Variants in DNAJC10 observed in about 807,000 individuals in gnomAD.
DNAJC10 encodes DnaJ heat shock protein family (Hsp40) member C10, also known as endoplasmic reticulum disulfide reductase DNAJC10.
In DNAJC10, 101 loss-of-function variants were observed where a neutral mutation model predicts 115.0. The ratio of observed to expected loss-of-function variants is 0.88; its 90% confidence interval spans 0.75 to 1.04. DNAJC10 has a LOEUF of 1.04. Ranked by LOEUF, DNAJC10 falls within the 50% of genes least tolerant of loss-of-function variation. The pLI is 0.00. For missense variants in DNAJC10, 981 were observed against 928.8 expected (o/e 1.06, Z -0.73); for synonymous variants, 307 against 301.5 (o/e 1.02, Z -0.19).
chr2:182,761,043 A>C (rs1694273486), intron 21 of DNAJC10, among the ~76,000 whole-genome samples: 1 of 152,194 alleles, frequency 6.6e-6, no homozygotes, highest in Non-Finnish European at 1.5e-5. Context: ...TAAGTACCAA[A>C]TGAAAAGCCA....
intron 19 of DNAJC10, among the ~76,000 whole-genome samples, chr2:182,758,248 A>G (rs976866508): frequency 1.3e-5 from 2 of 152,178 alleles, no homozygotes; most frequent in Non-Finnish European, 2.9e-5. Flanking sequence ...AGGCTTAGAT[A>G]ACTTCCCCAA....
chr2:182,782,708 GCT>G lies in DNAJC10; in HGVS notation c.*5581_*5582del, dbSNP rs762215542. Reference sequence around the variant, plus strand: ...TGAATGGGAGTTCACTCACGATTTGGCTCTCTGTTTGTCAATTATTGGTGTAT... The same window carrying G: ...TGAATGGGAGTTCACTCACGATTTGGCTCTGTTTGTCAATTATTGGTGTAT... On this transcript the variant is annotated 3_prime_UTR_variant, in exon 24 of 24. Coordinates refer to ENST00000264065, the MANE Select transcript of DNAJC10 (RefSeq NM_018981.4). 3 of 152,074 alleles carry G rather than the reference GCT, an allele frequency of 2.0e-5. No homozygotes were observed. Among genetic ancestry groups the G allele is most frequent in the East Asian group, 1.9e-4 (1 of 5,188 alleles). The allele number at this position is 152,074 out of a possible 1,614,324, so 9.4% of individuals were successfully genotyped here. A position where few individuals can be genotyped will look rare whatever the true frequency, so the allele number is the denominator to read the frequency against.
chr2:182,768,205 T>C (rs978387134), intron 22 of DNAJC10, among the ~76,000 whole-genome samples: 2 of 152,022 alleles, frequency 1.3e-5, no homozygotes, highest in Admixed American at 6.6e-5. Flanking sequence ...AAGCAGAACT[T>C]GATGGAGGTG....
At chr2:182,764,889 A>T (rs1450254490) in intron 22 of DNAJC10, among the ~76,000 whole-genome samples, 1 of 152,156 alleles carries the variant, frequency 6.6e-6, no homozygotes, top group Non-Finnish European at 1.5e-5. Context: ...AGATGATAGA[A>T]CTATTGGAGG....
At chr2:182,721,967 G>A in intron 4 of DNAJC10, 58 bp from the exon 5 acceptor site, 1 of 978,554 alleles carries the variant, frequency 1.0e-6, no homozygotes. Context: ...CTATTTTTAT[G>A]TTGCAATTTA....
At chr2:182,727,980 A>G (rs288279) in intron 5 of DNAJC10, among the ~76,000 whole-genome samples, 27,330 of 152,188 alleles carry the variant, frequency 0.18, 5,685 homozygotes, top group African/African-American at 0.51. Context: ...TGAATTGTTA[A>G]AAACCTCAAC....
intron 10 of DNAJC10, chr2:182,732,823 A>C: frequency 2.3e-6 from 1 of 429,150 alleles, no homozygotes; most frequent in East Asian, 4.5e-5. Flanking sequence ...TGTTTTTGTC[A>C]TTTCCCAACT....
At chr2:182,774,411 AG>A (rs1286627163) in intron 22 of DNAJC10, among the ~76,000 whole-genome samples, 1 of 152,248 alleles carries the variant, frequency 6.6e-6, no homozygotes, top group Non-Finnish European at 1.5e-5. Flanking sequence ...TTAAGTCTGC[AG>A]AAGTTGTCTG....
chr2:182,758,860 A>G lies in DNAJC10; in HGVS notation c.1967A>G (p.Asp656Gly). 7.5e-6 allele frequency: 12 copies of G among 1,608,400 alleles called. No individual in the cohort carries two copies. Among genetic ancestry groups the G allele is most frequent in the Non-Finnish European group, 9.4e-6 (11 of 1,175,054 alleles). ...HYHSYNGWNR[D>G]AYSLRIWGLG... ...AGCAGTTACAATGGTTGGAATAGGGATGCTTATTCCCTGAGAATCTGGGGT... is the reference window on the plus strand; with the variant it reads ...AGCAGTTACAATGGTTGGAATAGGGGTGCTTATTCCCTGAGAATCTGGGGT... The change falls in exon 20 of 24, where the codon GAT becomes GGT. Residue 656 changes from aspartate (D) to glycine (G), a missense_variant. Coordinates refer to ENST00000264065, the MANE Select transcript of DNAJC10 (RefSeq NM_018981.4).
At chr2:182,762,380 C>T (rs1694308222) in intron 21 of DNAJC10, among the ~76,000 whole-genome samples, 1 of 151,976 alleles carries the variant, frequency 6.6e-6, no homozygotes, top group Non-Finnish European at 1.5e-5. Flanking sequence ...AAGATAGAAA[C>T]AGAAACATGT....
At chr2:182,777,069 T>C (rs868868631) in intron 23 of DNAJC10, 52 bp from the exon 24 acceptor site, 1 of 1,231,674 alleles carries the variant, frequency 8.1e-7, no homozygotes, top group Non-Finnish European at 1.1e-6. Flanking sequence ...ATTTTTAACA[T>C]TACCAACTCA....
intron 5 of DNAJC10, among the ~76,000 whole-genome samples, chr2:182,722,297 A>G (rs1342235737): frequency 3.3e-5 from 5 of 152,216 alleles, no homozygotes; most frequent in Admixed American, 1.3e-4. Flanking sequence ...TATACTAAAT[A>G]AAAGAAATTT....
chr2:182,739,234 T>TTATA (rs962208780), intron 11 of DNAJC10, among the ~76,000 whole-genome samples: 50 of 145,198 alleles, frequency 3.4e-4, no homozygotes, highest in Admixed American at 1.6e-3. Context: ...TCATATATAT[T>TTATA]TATATATATA....
In DNAJC10 at chr2:182,791,337, T is replaced by C. The variant is rs1345075414; in HGVS notation, c.*14205T>C. The C allele has an allele frequency of 2.0e-5, 3 of 152,158 alleles. No individual in the cohort carries two copies. Among genetic ancestry groups the C allele is most frequent in the African/African-American group, 7.2e-5 (3 of 41,446 alleles). 9.4% of individuals were successfully genotyped at this position (152,158 alleles called of 1,614,324 possible). A position where few individuals can be genotyped will look rare whatever the true frequency, so the allele number is the denominator to read the frequency against. ...CAAAAGTTAAAAATTAAGAGAGATA[T>C]GTATTCAGGTGGCCATTTATACACA... On this transcript the variant is annotated 3_prime_UTR_variant, in exon 24 of 24. Transcript: ENST00000264065.
chr2:182,747,993 G>A (rs1458530331), intron 14 of DNAJC10, among the ~76,000 whole-genome samples: 12 of 147,866 alleles, frequency 8.1e-5, no homozygotes, highest in African/African-American at 2.8e-4. Flanking sequence ...ATAATCATGT[G>A]GTTTTTGTCT....
chr2:182,775,295 A>G (rs1390326504), intron 22 of DNAJC10, 21 bp from the exon 23 acceptor site: 10 of 1,415,172 alleles, frequency 7.1e-6, no homozygotes, highest in Non-Finnish European at 9.9e-6. Flanking sequence ...CTTAAAAGAT[A>G]ACAAGTGTTT....
At chr2:182,751,554 C>A (rs1192765714) in intron 14 of DNAJC10, 104 bp from the exon 15 acceptor site, 6 of 1,325,256 alleles carry the variant, frequency 4.5e-6, no homozygotes, top group South Asian at 1.4e-5. Context: ...TCAATTTGTT[C>A]ATAATTTATC....
chr2:182,733,830 T>TAGATAGA, intron 10 of DNAJC10, among the ~76,000 whole-genome samples: 2 of 150,598 alleles, frequency 1.3e-5, no homozygotes, highest in Non-Finnish European at 1.5e-5. Context: ...GATAGATAGA[T>TAGATAGA]TTTCTACTTC....
At chr2:182,741,451 T>C (rs1006544520) in intron 13 of DNAJC10, 95 bp downstream of exon 13, 1 of 583,370 alleles carries the variant, frequency 1.7e-6, no homozygotes, top group Non-Finnish European at 2.8e-6. Context: ...AAAACTCTTA[T>C]TTGAAATTAT....
Sources: gnomAD v4.1 joint callset for allele counts (sites outside exome capture counted in the v4.1 genomes callset) on GRCh38, gnomAD v4.1.1 for gene constraint, MANE v1.5 for transcripts, NCBI Gene and HGNC (gene_info 2026-07-23, HGNC 2026-07-21) for gene names.